LEF1: variants seen among roughly 807,000 people sequenced by gnomAD.
The protein encoded by LEF1 is lymphoid enhancer binding factor 1.
Under a neutral mutation model 51.2 loss-of-function variants are expected in LEF1, and 14 were observed. The observed-to-expected ratio is 0.27, with a 90% confidence interval of 0.18 to 0.43. LEF1 has a LOEUF of 0.43. LEF1 is among the 20% of genes least tolerant of loss of function. The pLI is 1.00. For synonymous variants in LEF1, 185 were observed against 183.2 expected, an observed-to-expected ratio of 1.01 and a Z score of -0.08; for missense variants, 386 against 512.0, an observed-to-expected ratio of 0.75 and a Z score of 2.37.
At chr4:108,156,230 C>T (rs1455938375) in intron 3 of LEF1, among the ~76,000 whole-genome samples, 1 of 152,308 alleles carries the variant, frequency 6.6e-6, no homozygotes, top group East Asian at 1.9e-4. Flanking sequence ...GATAAATCCT[C>T]ATATGAGGGT....
At chr4:108,116,858 GTAT>G (rs755112728) in intron 3 of LEF1, among the ~76,000 whole-genome samples, 11 of 152,336 alleles carry the variant, frequency 7.2e-5, no homozygotes, top group Non-Finnish European at 1.6e-4. Context: ...CAATAAGTTA[GTAT>G]TAGAGTGCCA....
chr4:108,147,170 C>A (rs1744048335), intron 3 of LEF1, among the ~76,000 whole-genome samples: 1 of 151,926 alleles, frequency 6.6e-6, no homozygotes, highest in South Asian at 2.1e-4. Context: ...AGGGACTAGT[C>A]TGTTCAGGGA....
intron 11 of LEF1, among the ~76,000 whole-genome samples, chr4:108,061,631 A>AT (rs1166767728): frequency 2.7e-4 from 23 of 84,986 alleles, no homozygotes; most frequent in Middle Eastern, 0.014. Context: ...AATTAAAACA[A>AT]TTTTTTTTTT....
At chr4:108,105,341 C>T (rs926857111) in intron 3 of LEF1, among the ~76,000 whole-genome samples, 6 of 151,848 alleles carry the variant, frequency 4.0e-5, no homozygotes, top group Non-Finnish European at 5.9e-5. Flanking sequence ...CCACCACACC[C>T]GGCTAATTTT....
chr4:108,161,409 G>A (rs1745045653), intron 3 of LEF1, among the ~76,000 whole-genome samples: 1 of 152,138 alleles, frequency 6.6e-6, no homozygotes, highest in South Asian at 2.1e-4. Flanking sequence ...TAAGGTAACT[G>A]TTTCCTGACC....
intron 3 of LEF1, among the ~76,000 whole-genome samples, chr4:108,132,246 G>A (rs1373292517): frequency 6.6e-6 from 1 of 152,122 alleles, no homozygotes; most frequent in Non-Finnish European, 1.5e-5. Flanking sequence ...CTGTTCCCCA[G>A]CCAATGAAGA....
chr4:108,123,432 GTTTTTTTTTTTTTTTT>G (rs34015287), intron 3 of LEF1, among the ~76,000 whole-genome samples: 51 of 72,384 alleles, frequency 7.0e-4, no homozygotes, highest in African/African-American at 3.2e-3. Flanking sequence ...GCTAGGGTTG[GTTTTTTTTTTTTTTTT>G]TTTTTTTTTT....
At chr4:108,092,979 A>G (rs115516519) in intron 3 of LEF1, among the ~76,000 whole-genome samples, 2,080 of 151,424 alleles carry the variant, frequency 0.014, 19 homozygotes, top group African/African-American at 0.023. Context: ...GGCAGCATCA[A>G]GTACTATGAA....
chr4:108,097,295 T>C (rs539513819), intron 3 of LEF1, among the ~76,000 whole-genome samples: 55 of 152,286 alleles, frequency 3.6e-4, no homozygotes, highest in African/African-American at 1.3e-3. Context: ...ACAACATGGA[T>C]GGAACTGGAT....
At chr4:108,165,349 T>C (rs1232709109) in intron 1 of LEF1, 186 bp from the exon 2 acceptor site, 1 of 531,056 alleles carries the variant, frequency 1.9e-6, no homozygotes, top group Admixed American at 3.4e-5. Context: ...ACATGTATTT[T>C]TGAGTGATTA....
intron 3 of LEF1, among the ~76,000 whole-genome samples, chr4:108,099,570 G>GTGTATATATATATATATA (rs1266681210): frequency 1.4e-5 from 1 of 70,196 alleles, no homozygotes; most frequent in African/African-American, 4.5e-5. Context: ...GTGTGTGTGT[G>GTGTATATATATATATATA]TATATATATA....
chr4:108,141,481 A>G (rs1743648727), intron 3 of LEF1, among the ~76,000 whole-genome samples: 1 of 152,200 alleles, frequency 6.6e-6, no homozygotes, highest in South Asian at 2.1e-4. Context: ...ACAGTCACTC[A>G]GGTAACAAAC....
chr4:108,138,919 A>G (rs1743470584), intron 3 of LEF1, among the ~76,000 whole-genome samples: 1 of 152,182 alleles, frequency 6.6e-6, no homozygotes, highest in South Asian at 2.1e-4. Flanking sequence ...ACTCGTAGCA[A>G]CATCCTCTAA....
At chr4:108,156,604 C>G (rs545600825) in intron 3 of LEF1, among the ~76,000 whole-genome samples, 1 of 152,288 alleles carries the variant, frequency 6.6e-6, no homozygotes, top group Non-Finnish European at 1.5e-5. Flanking sequence ...CATAATTCAT[C>G]AGCAGTCCCT....
At chr4:108,074,514 T>C (rs978409022) in intron 8 of LEF1, among the ~76,000 whole-genome samples, 5 of 152,230 alleles carry the variant, frequency 3.3e-5, no homozygotes, top group South Asian at 2.1e-4. Flanking sequence ...TTTAGAGATA[T>C]AGTAAAGATG....
At chr4:108,133,931 C>T (rs191108958) in intron 3 of LEF1, among the ~76,000 whole-genome samples, 141 of 152,272 alleles carry the variant, frequency 9.3e-4, no homozygotes, top group Non-Finnish European at 1.6e-3. Flanking sequence ...GGCCCCTAAT[C>T]TCTTATCTGA....
chr4:108,089,938 T>TA (rs1301283462), intron 3 of LEF1, among the ~76,000 whole-genome samples: 1 of 152,174 alleles, frequency 6.6e-6, no homozygotes, highest in African/African-American at 2.4e-5. Context: ...CATTAATTGA[T>TA]AAAAAGGAAT....
intron 8 of LEF1, among the ~76,000 whole-genome samples, chr4:108,074,819 G>C (rs1376828111): frequency 6.6e-6 from 1 of 152,194 alleles, no homozygotes; most frequent in Non-Finnish European, 1.5e-5. Flanking sequence ...AGCTGAGAAA[G>C]TAGCAATTGT....
chr4:108,132,659 CTTTTTTT>C (rs749911957), intron 3 of LEF1, among the ~76,000 whole-genome samples: 7 of 47,444 alleles, frequency 1.5e-4, no homozygotes, highest in African/African-American at 1.6e-4. Context: ...GAAAATCTGC[CTTTTTTT>C]TTTTTTTTTT....
Sources: allele counts gnomAD v4.1 joint callset (sites outside exome capture counted in the v4.1 genomes callset), GRCh38; gene constraint gnomAD v4.1.1; transcripts MANE v1.5; gene names NCBI Gene and HGNC (gene_info 2026-07-23, HGNC 2026-07-21).